Variants in ABCC11 observed in about 807,000 individuals in gnomAD.
ABCC11 encodes the protein ATP binding cassette subfamily C member 11.
ABCC11 carries 135 observed loss-of-function variants against 149.3 expected under a neutral mutation model. The observed-to-expected ratio is 0.90, with a 90% CI of 0.79 to 1.04. ABCC11 has a LOEUF of 1.04. ABCC11 is among the 50% of genes least tolerant of loss of function. The probability of loss-of-function intolerance (pLI) is 0.00; values close to 1 mark genes in which losing one functional copy is unlikely to be tolerated. For synonymous variants in ABCC11, 665 were observed against 671.4 expected, an observed-to-expected ratio of 0.99 and a Z score of 0.15; for missense variants, 1,680 against 1,722.1, an observed-to-expected ratio of 0.98 and a Z score of 0.43.
chr16:48,236,630 C>T (rs942349788), intron 1 of ABCC11, among the ~76,000 whole-genome samples: 3 of 152,006 alleles, frequency 2.0e-5, no homozygotes, highest in South Asian at 2.1e-4. Context: ...CAGAGTCTGT[C>T]AAAAAAGGAG....
intron 1 of ABCC11, chr16:48,244,339 G>C: frequency 1.8e-5 from 24 of 1,363,964 alleles, no homozygotes; most frequent in Non-Finnish European, 2.3e-5. Flanking sequence ...GCCGGGGGCA[G>C]CTGTCTGTCT....
At chr16:48,227,009 T>C (rs959905502) in intron 4 of ABCC11, among the ~76,000 whole-genome samples, 3 of 152,246 alleles carry the variant, frequency 2.0e-5, no homozygotes, top group Admixed American at 2.0e-4. Context: ...TCCCACCTTT[T>C]GTCCTCATAT....
intron 14 of ABCC11, among the ~76,000 whole-genome samples, chr16:48,201,251 A>G (rs1209539992): frequency 6.6e-6 from 1 of 152,152 alleles, no homozygotes; most frequent in East Asian, 1.9e-4. Context: ...CCCAAGTCAG[A>G]GCACTGTCTC....
chr16:48,195,885 G>T (rs897017980), intron 18 of ABCC11, among the ~76,000 whole-genome samples: 8 of 152,158 alleles, frequency 5.3e-5, no homozygotes, highest in African/African-American at 1.9e-4. Context: ...TGAGGCAGGG[G>T]CACTTTGGGA....
intron 24 of ABCC11, among the ~76,000 whole-genome samples, chr16:48,178,359 G>T (rs578199143): frequency 1.3e-5 from 2 of 152,254 alleles, no homozygotes; most frequent in East Asian, 3.9e-4. Flanking sequence ...AGGAGAAGAT[G>T]ATCTCCTCTT....
At chr16:48,168,798 C>T (rs758209803) in intron 28 of ABCC11, among the ~76,000 whole-genome samples, 6 of 152,098 alleles carry the variant, frequency 3.9e-5, no homozygotes, top group Non-Finnish European at 8.8e-5. Flanking sequence ...GAACAGAAAA[C>T]CAAACACTGC....
chr16:48,181,738 G>C (rs1304149037), intron 23 of ABCC11, among the ~76,000 whole-genome samples: 1 of 152,194 alleles, frequency 6.6e-6, no homozygotes, highest in African/African-American at 2.4e-5. Context: ...AGCCTCCTGA[G>C]TAGCTGGGAC....
chr16:48,192,113 A>G (rs922893399), intron 20 of ABCC11, among the ~76,000 whole-genome samples: 128 of 152,166 alleles, frequency 8.4e-4, no homozygotes, highest in African/African-American at 3.0e-3. Context: ...GCAAGACCCC[A>G]TCTCTACAGA....
At chr16:48,189,925 C>A (rs756911234) in intron 20 of ABCC11, among the ~76,000 whole-genome samples, 4 of 152,158 alleles carry the variant, frequency 2.6e-5, no homozygotes, top group Non-Finnish European at 5.9e-5. Context: ...TCAAAACCCC[C>A]ACTCCCACCT....
intron 20 of ABCC11, among the ~76,000 whole-genome samples, chr16:48,188,872 T>C (rs1234269669): frequency 6.6e-6 from 1 of 152,200 alleles, no homozygotes. Context: ...TAGAAGCCAA[T>C]GGCATTTATT....
intron 1 of ABCC11, among the ~76,000 whole-genome samples, chr16:48,242,659 A>G (rs1971032945): frequency 6.6e-6 from 1 of 152,344 alleles, no homozygotes; most frequent in East Asian, 1.9e-4. Context: ...ATGTCCATCA[A>G]TGATAGACTG....
chr16:48,196,663 G>A (rs1967448483), intron 17 of ABCC11, among the ~76,000 whole-genome samples: 1 of 152,194 alleles, frequency 6.6e-6, no homozygotes, highest in Non-Finnish European at 1.5e-5. Context: ...TGCAACATCA[G>A]GCAAATCACT....
Position 48,184,546 on chromosome 16 carries a change from T to G in ABCC11, c.3152A>C (p.Glu1051Ala), listed in dbSNP as rs1345932077. The G allele has an allele frequency of 6.2e-7, 1 of 1,614,246 alleles. No homozygotes were observed. The highest frequency in any genetic ancestry group is 1.7e-5 in the Admixed American group (1 of 60,032). Residue 1051 changes from glutamate (E) to alanine (A), a missense_variant, in exon 23 of 30, where the codon GAG becomes GCG. Transcript: ENST00000356608. ...SSTRWMALRL[E>A]IMTNLVTLAV... Reference sequence around the variant, plus strand: ...CAAGGTCACAAGGTTGGTCATGATCTCCAGCCTCAATGCCATCCATCGTGT... The same window carrying G: ...CAAGGTCACAAGGTTGGTCATGATCGCCAGCCTCAATGCCATCCATCGTGT...
intron 18 of ABCC11, 140 bp downstream of exon 18, chr16:48,196,092 G>T: frequency 4.2e-6 from 3 of 717,158 alleles, no homozygotes; most frequent in Non-Finnish European, 6.8e-6. Context: ...AGTAGAGTTT[G>T]GTTTTGCAAG....
At chr16:48,213,337 C>T (rs972654139) in intron 10 of ABCC11, 106 bp downstream of exon 10, 35 of 946,114 alleles carry the variant, frequency 3.7e-5, no homozygotes, top group African/African-American at 8.4e-5. Context: ...ATCCCTCTCT[C>T]GACCTAGGCC....
rs187108112 is a variant in ABCC11 at position 48,170,820 on chromosome 16, G to C, written c.3777+69C>G. 524 of 1,405,622 alleles carry C rather than the reference G, an allele frequency of 3.7e-4. 1 individual carries two copies. Among genetic ancestry groups the C allele is most frequent in the Admixed American group, 3.0e-4 (17 of 56,962 alleles). 87.1% of individuals were successfully genotyped at this position (1,405,622 alleles called of 1,614,324 possible). ...GCAGCTGGAACACCACATGAGAGGA[G>C]CCCCAAAGGGGCAGCCCCCCATGGG... On this transcript the variant is annotated intron_variant, in intron 27 of 29. Transcript: ENST00000356608.
intron 25 of ABCC11, among the ~76,000 whole-genome samples, chr16:48,176,659 C>T (rs991702066): frequency 1.3e-5 from 2 of 152,216 alleles, no homozygotes; most frequent in African/African-American, 2.4e-5. Flanking sequence ...GCATACCACC[C>T]TGTGGCAGCC....
chr16:48,201,095 A>C lies in ABCC11; in HGVS notation c.1879-616T>G, dbSNP rs146568721. The stretch of plus-strand genomic sequence containing the variant: ...TTAATTAAAAATCTTACAACTCTCC[A>C]TGTATCCCCTGAATCTAAATTTAAA... On this transcript the variant is annotated intron_variant, in intron 14 of 29. Transcript: ENST00000356608. Among the ~76,000 whole-genome samples, 56 of 152,350 alleles carry C rather than the reference A, an allele frequency of 3.7e-4. No individual in the cohort carries two copies. The East Asian group carries it at 0.01, about 27-fold the overall frequency.
intron 1 of ABCC11, among the ~76,000 whole-genome samples, chr16:48,235,694 G>C (rs958061025): frequency 6.6e-6 from 1 of 152,190 alleles, no homozygotes; most frequent in African/African-American, 2.4e-5. Context: ...AATGGAGCTG[G>C]AGTTTATTCA....
Sources: allele counts gnomAD v4.1 joint callset (sites outside exome capture counted in the v4.1 genomes callset), GRCh38; gene constraint gnomAD v4.1.1; transcripts MANE v1.5; gene names NCBI Gene and HGNC (gene_info 2026-07-23, HGNC 2026-07-21).